The following AGAP1 variants were observed in gnomAD, a reference collection of about 807,000 sequenced individuals.
AGAP1 encodes the protein arf-GAP with GTPase, ANK repeat and PH domain-containing protein 1.
Under a neutral mutation model 105.3 loss-of-function variants are expected in AGAP1, and 29 were observed. The ratio of observed to expected loss-of-function variants is 0.28; its 90% CI spans 0.21 to 0.38. The LOEUF (loss-of-function observed/expected upper bound fraction) is 0.38. Ranked by LOEUF, AGAP1 falls within the 10% of genes least tolerant of loss-of-function variation. The pLI is 1.00. For missense variants in AGAP1, 998 were observed against 1,165.1 expected, an observed-to-expected ratio of 0.86 and a Z score of 2.09; for synonymous variants, 509 against 485.9, an observed-to-expected ratio of 1.05 and a Z score of -0.63.
At chr2:235,538,387 T>C (rs1392802531) in intron 1 of AGAP1, among the ~76,000 whole-genome samples, 1 of 151,052 alleles carries the variant, frequency 6.6e-6, no homozygotes, top group African/African-American at 2.4e-5. Context: ...AGAATATGCT[T>C]GCTCCTCTCC....
In AGAP1 at chr2:235,535,900, G is replaced by A. The variant is rs570464026; in HGVS notation, c.163+41051G>A. ...TGGCCTTTGAAGCTCTCCAGGCTCT[G>A]GCCACAGTGGCTTTCCTGCCCTCCT... is the stretch of plus-strand genomic sequence containing the variant. On this transcript the variant is annotated intron_variant, in intron 1 of 17. Coordinates refer to ENST00000304032, the MANE Select transcript of AGAP1 (RefSeq NM_001037131.3). The surrounding 1 kb of genome is among the most constrained non-coding windows in gnomAD (Gnocchi z 5.1). 6.6e-6 allele frequency among the ~76,000 whole-genome samples: 1 copy of A among 151,990 alleles called. No individual in the cohort carries two copies. The highest frequency in any genetic ancestry group is 2.1e-4 in the South Asian group (1 of 4,790).
chr2:236,078,037 TTGTGTGTGTG>T lies in AGAP1; in HGVS notation c.2114+28784_2114+28793del, dbSNP rs9287595. 5.7e-5 allele frequency among the ~76,000 whole-genome samples: 8 copies of T among 140,412 alleles called. No individual in the cohort carries two copies. Among genetic ancestry groups the T allele is most frequent in the Admixed American group, 3.6e-4 (5 of 13,962 alleles). 92.1% of individuals were successfully genotyped at this position (140,412 alleles called of 152,430 possible). On this transcript the variant is annotated intron_variant, in intron 16 of 17. Coordinates refer to ENST00000304032, the MANE Select transcript of AGAP1 (RefSeq NM_001037131.3). This position sits in a 1 kb window ranked among gnomAD's most constrained non-coding sequence, Gnocchi z 5.3. Reference sequence around the variant, plus strand: ...AGGGTTCTCCAGAGAAACAACCAATTTGTGTGTGTGTGTGTGTGTGTGTGTGTGTGTGTGT... The same window carrying T: ...AGGGTTCTCCAGAGAAACAACCAATTTGTGTGTGTGTGTGTGTGTGTGTGT...
chr2:235,610,777 G>T lies in AGAP1; in HGVS notation c.164-98402G>T, dbSNP rs1459535707. Among the ~76,000 whole-genome samples the T allele has an allele frequency of 6.6e-6, 1 of 152,052 alleles. No homozygotes were observed. On this transcript the variant is annotated intron_variant, in intron 1 of 17. Coordinates refer to ENST00000304032, the MANE Select transcript of AGAP1 (RefSeq NM_001037131.3). This position sits in a 1 kb window ranked among gnomAD's most constrained non-coding sequence, Gnocchi z 4.9. The stretch of plus-strand genomic sequence containing the variant: ...AAACCCTGGGCTGGGGAGGAGGTGC[G>T]CTAAGACTGGGCCACAGGTGTGCTC...
In AGAP1 at chr2:235,760,272, G is replaced by A. The variant is rs539239072; in HGVS notation, c.673+9784G>A. On this transcript the variant is annotated intron_variant, in intron 6 of 17. Coordinates refer to ENST00000304032, the MANE Select transcript of AGAP1 (RefSeq NM_001037131.3). ...CGTGTGCCTGTAGTCCCGGCTACTC[G>A]GGAGGCTGAGGAGGGAGAATCTCTT... Among the ~76,000 whole-genome samples, 180 of 152,284 alleles carry A rather than the reference G, an allele frequency of 1.2e-3. 3 individuals are homozygous for A. In the South Asian group the frequency reaches 0.025, roughly 21 times the overall value.
In AGAP1 at chr2:235,692,118, A is replaced by G. The variant is rs1397015087; in HGVS notation, c.164-17061A>G. The stretch of plus-strand genomic sequence containing the variant: ...GTGCGCATATTGAGTTTGAATATTC[A>G]TCTAAGAAGCTTTTGTACATGCGTT... On this transcript the variant is annotated intron_variant, in intron 1 of 17. Transcript: ENST00000304032. This position sits in a 1 kb window ranked among gnomAD's most constrained non-coding sequence, Gnocchi z 5.8. Among the ~76,000 whole-genome samples, 1 of 152,180 alleles carries G rather than the reference A, an allele frequency of 6.6e-6. No individual in the cohort carries two copies. Among genetic ancestry groups the G allele is most frequent in the African/African-American group, 2.4e-5 (1 of 41,450 alleles).
intron 1 of AGAP1, among the ~76,000 whole-genome samples, chr2:235,530,942 T>C (rs993799866): frequency 1.3e-5 from 2 of 152,216 alleles, no homozygotes; most frequent in Non-Finnish European, 2.9e-5. Flanking sequence ...CCTGCTGTCA[T>C]TGGGGCTGAG....
intron 1 of AGAP1, among the ~76,000 whole-genome samples, chr2:235,685,075 G>A (rs1002901726): frequency 1.8e-4 from 28 of 152,112 alleles, no homozygotes; most frequent in African/African-American, 6.5e-4. Context: ...GGGCTTTGCT[G>A]GGTGGGCCGA....
intron 1 of AGAP1, among the ~76,000 whole-genome samples, chr2:235,661,663 G>T (rs946408932): frequency 6.6e-6 from 1 of 152,062 alleles, no homozygotes; most frequent in African/African-American, 2.4e-5. Flanking sequence ...GCATCTCAGG[G>T]TGGGGTCAGG....
intron 1 of AGAP1, among the ~76,000 whole-genome samples, chr2:235,682,142 T>G (rs1949109971): frequency 6.6e-6 from 1 of 152,120 alleles, no homozygotes; most frequent in Admixed American, 6.6e-5. Flanking sequence ...TGAGCCACCG[T>G]GCTTGGCCTC....
At position 235,996,029 on chromosome 2, in the gene AGAP1, C is replaced by T. The variant is rs184434112; in HGVS notation, c.1645+27406C>T. Among the ~76,000 whole-genome samples the T allele has an allele frequency of 2.7e-3, 412 of 152,270 alleles. 1 individual carries two copies. The highest frequency in any genetic ancestry group is 4.5e-3 in the Non-Finnish European group (306 of 68,024). On this transcript the variant is annotated intron_variant, in intron 13 of 17. Transcript: ENST00000304032. ...CTGATTTGGATGTGTAAGCCCAAGCCGCCACGTGGGCTCGGAGGGGTACAG... is the reference window on the plus strand; with the variant it reads ...CTGATTTGGATGTGTAAGCCCAAGCTGCCACGTGGGCTCGGAGGGGTACAG...
chr2:235,526,325 AG>A (rs1372837308), intron 1 of AGAP1, among the ~76,000 whole-genome samples: 1 of 152,256 alleles, frequency 6.6e-6, no homozygotes, highest in Non-Finnish European at 1.5e-5. Flanking sequence ...CTTGATTGAC[AG>A]GAACCTGCAG....
intron 10 of AGAP1, among the ~76,000 whole-genome samples, chr2:235,886,232 G>A (rs189630894): frequency 2.6e-5 from 4 of 152,246 alleles, no homozygotes; most frequent in African/African-American, 9.6e-5. Context: ...GTCGCTTTAT[G>A]TAAGTTAGAG....
chr2:236,055,879 C>T lies in AGAP1; in HGVS notation c.2114+6598C>T, dbSNP rs1037925570. On this transcript the variant is annotated intron_variant, in intron 16 of 17. Coordinates refer to ENST00000304032, the MANE Select transcript of AGAP1 (RefSeq NM_001037131.3). The surrounding 1 kb of genome is among the most constrained non-coding windows in gnomAD (Gnocchi z 6.2). ...CCACCCTTCATGACTGGATGGTCCT[C>T]ATTAGCACACTGCTAAATATGCTTC... Among the ~76,000 whole-genome samples the T allele has an allele frequency of 6.6e-6, 1 of 152,226 alleles. No individual in the cohort carries two copies. The highest frequency in any genetic ancestry group is 1.5e-5 in the Non-Finnish European group (1 of 68,036).
rs541253680 is a variant in AGAP1, at chr2:235,960,590, G to A, written c.1484-7872G>A. Among the ~76,000 whole-genome samples the A allele has an allele frequency of 7.2e-5, 11 of 152,312 alleles. No individual in the cohort carries two copies. The South Asian group carries it at 2.3e-3, about 32-fold the overall frequency. On this transcript the variant is annotated intron_variant, in intron 12 of 17. Coordinates refer to ENST00000304032, the MANE Select transcript of AGAP1 (RefSeq NM_001037131.3). The surrounding 1 kb of genome is among the most constrained non-coding windows in gnomAD (Gnocchi z 4.9). ...CCCTGCTATCGGCGTGCTTACTGGAGATGCGATTCCCCTCTTCCTTCTTTG... is the reference window on the plus strand; with the variant it reads ...CCCTGCTATCGGCGTGCTTACTGGAAATGCGATTCCCCTCTTCCTTCTTTG...
chr2:235,846,493 A>AT (rs1447693007), intron 9 of AGAP1, among the ~76,000 whole-genome samples: 2 of 109,288 alleles, frequency 1.8e-5, no homozygotes, highest in Non-Finnish European at 4.1e-5. Flanking sequence ...TGCCTGGCTA[A>AT]TTTTTGGTTT....
chr2:235,691,301 A>G lies in AGAP1; in HGVS notation c.164-17878A>G, dbSNP rs1340716262. Among the ~76,000 whole-genome samples, 5 of 152,348 alleles carry G rather than the reference A, an allele frequency of 3.3e-5. No individual in the cohort carries two copies. The highest frequency in any genetic ancestry group is 2.9e-5 in the Non-Finnish European group (2 of 68,032). The stretch of plus-strand genomic sequence containing the variant: ...ATCCAGGGAAAGGTCACTCTCTGGC[A>G]GTGGATGCTACCCTGTTGGTGGCAA... On this transcript the variant is annotated intron_variant, in intron 1 of 17. Coordinates refer to ENST00000304032, the MANE Select transcript of AGAP1 (RefSeq NM_001037131.3). The surrounding 1 kb of genome is among the most constrained non-coding windows in gnomAD (Gnocchi z 4.4).
intron 1 of AGAP1, among the ~76,000 whole-genome samples, chr2:235,671,389 C>G (rs1415045332): frequency 1.3e-5 from 2 of 152,172 alleles, no homozygotes; most frequent in Admixed American, 6.5e-5. Flanking sequence ...GAGCTGGCTG[C>G]CCGCGACACC....
chr2:235,767,942 A>G (rs1955109830), intron 6 of AGAP1, among the ~76,000 whole-genome samples: 1 of 151,958 alleles, frequency 6.6e-6, no homozygotes, highest in Non-Finnish European at 1.5e-5. Flanking sequence ...CCACGCCATC[A>G]TGCCCGGCTA....
intron 1 of AGAP1, among the ~76,000 whole-genome samples, chr2:235,628,209 T>C (rs1395379079): frequency 1.3e-5 from 2 of 152,156 alleles, no homozygotes; most frequent in African/African-American, 2.4e-5. Context: ...AGGCACTGTC[T>C]GGGCACCTGT....
Sources: gnomAD v4.1 joint callset for allele counts (sites outside exome capture counted in the v4.1 genomes callset) on GRCh38, gnomAD v4.1.1 for gene constraint, Gnocchi (gnomAD v3.1) non-coding constraint, MANE v1.5 for transcripts, NCBI Gene and HGNC (gene_info 2026-07-23, HGNC 2026-07-21) for gene names.